The following SEPTIN10 variants were observed in gnomAD, a reference collection of about 807,000 sequenced individuals.
The protein encoded by SEPTIN10 is septin-10.
Under a neutral mutation model 54.8 loss-of-function variants are expected in SEPTIN10, and 66 were observed. That is an observed-to-expected ratio of 1.21 (90% CI 0.99 to 1.48). The LOEUF is 1.48. Among genes scored for constraint, SEPTIN10 ranks in the 40% most tolerant of loss-of-function variants. The pLI, the probability that SEPTIN10 is intolerant of heterozygous loss-of-function variation, is 0.00. For synonymous variants in SEPTIN10, 161 were observed against 181.0 expected (o/e 0.89, Z 0.89); for missense variants, 620 against 545.6 (o/e 1.14, Z -1.36).
chr2:109,571,070 A>T (rs974801016), intron 5 of SEPTIN10, among the ~76,000 whole-genome samples: 2 of 152,004 alleles, frequency 1.3e-5, no homozygotes, highest in African/African-American at 4.8e-5. Context: ...CTGGTTGTTT[A>T]AAAGTGTGTA....
At chr2:109,573,166 C>T (rs1158652437) in intron 5 of SEPTIN10, among the ~76,000 whole-genome samples, 3 of 151,904 alleles carry the variant, frequency 2.0e-5, no homozygotes, top group African/African-American at 7.3e-5. Context: ...AGTTCTTCTC[C>T]CTAGTTTTTA....
chr2:109,610,697 C>T (rs1228082784), intron 1 of SEPTIN10, among the ~76,000 whole-genome samples: 1 of 151,814 alleles, frequency 6.6e-6, no homozygotes, highest in East Asian at 1.9e-4. Context: ...GCCTGGGTGA[C>T]AAAGCGACAT....
intron 4 of SEPTIN10, among the ~76,000 whole-genome samples, chr2:109,578,049 C>CT (rs1420036230): frequency 6.6e-6 from 1 of 151,590 alleles, no homozygotes; most frequent in Non-Finnish European, 1.5e-5. Flanking sequence ...TCATCTTCAA[C>CT]TTTAAGTGAA....
chr2:109,577,522 G>A (rs540360515), intron 4 of SEPTIN10, among the ~76,000 whole-genome samples: 3 of 151,972 alleles, frequency 2.0e-5, no homozygotes, highest in East Asian at 1.9e-4. Flanking sequence ...AGTGCAGGAG[G>A]TGGAGGTTGC....
chr2:109,544,802 C>T, intron 10 of SEPTIN10: 2 of 759,740 alleles, frequency 2.6e-6, no homozygotes. Flanking sequence ...TAATTGCATG[C>T]CTACTATGTA....
chr2:109,597,390 T>A (rs1246914136), intron 1 of SEPTIN10, among the ~76,000 whole-genome samples: 1 of 152,224 alleles, frequency 6.6e-6, no homozygotes, highest in South Asian at 2.1e-4. Context: ...GCCTGCTCTA[T>A]TGTTGACCAC....
chr2:109,604,083 A>C (rs1245383742), intron 1 of SEPTIN10, among the ~76,000 whole-genome samples: 1 of 149,332 alleles, frequency 6.7e-6, no homozygotes, highest in Non-Finnish European at 1.5e-5. Flanking sequence ...AATGGTGTGA[A>C]CCTGGGAGGT....
intron 2 of SEPTIN10, among the ~76,000 whole-genome samples, chr2:109,587,623 A>AATC (rs1025696625): frequency 1.3e-5 from 2 of 152,198 alleles, no homozygotes; most frequent in African/African-American, 4.8e-5. Flanking sequence ...AAGGATAATG[A>AATC]AAACTTTAGG....
intron 1 of SEPTIN10, among the ~76,000 whole-genome samples, chr2:109,607,798 G>C (rs1416953845): frequency 1.3e-5 from 2 of 152,052 alleles, no homozygotes; most frequent in African/African-American, 2.4e-5. Flanking sequence ...TTCACCCCTA[G>C]GGAAACTCTG....
At chr2:109,545,337 A>G in intron 10 of SEPTIN10, 9 of 1,496,084 alleles carry the variant, frequency 6.0e-6, no homozygotes, top group Non-Finnish European at 8.0e-6. Context: ...TCAAAAAGGA[A>G]AAATAAACTT....
chr2:109,579,871 A>G (rs564433032), intron 4 of SEPTIN10, among the ~76,000 whole-genome samples: 7 of 151,942 alleles, frequency 4.6e-5, no homozygotes, highest in Non-Finnish European at 7.4e-5. Flanking sequence ...CTGTAATCCC[A>G]GCACTTTGGG....
chr2:109,607,186 A>C (rs995503647), intron 1 of SEPTIN10, among the ~76,000 whole-genome samples: 117 of 152,316 alleles, frequency 7.7e-4, no homozygotes, highest in African/African-American at 2.8e-3. Flanking sequence ...TCACACAAAT[A>C]ATTTGTATTT....
At chr2:109,556,387 A>G (rs1395953822) in intron 8 of SEPTIN10, among the ~76,000 whole-genome samples, 2 of 152,254 alleles carry the variant, frequency 1.3e-5, no homozygotes, top group African/African-American at 4.8e-5. Context: ...CTTAAATTTT[A>G]TAACTGGAGA....
chr2:109,567,798 T>C lies in SEPTIN10; in HGVS notation c.762+17A>G, dbSNP rs759114425. On this transcript the variant is annotated intron_variant, in intron 6 of 10. Transcript: ENST00000397712. ...TTTCACATGGAAAACAGAATTAACATTCAATCAGGAGCTCACATTCATTGC... is the reference window on the plus strand; with the variant it reads ...TTTCACATGGAAAACAGAATTAACACTCAATCAGGAGCTCACATTCATTGC... 3.1e-5 allele frequency: 48 copies of C among 1,550,962 alleles called. No homozygotes were observed. The highest frequency in any genetic ancestry group is 3.9e-5 in the Non-Finnish European group (45 of 1,147,592).
chr2:109,567,973 T>G lies in SEPTIN10; in HGVS notation c.604A>C (p.Asn202His). 6.3e-7 allele frequency: 1 copy of G among 1,589,276 alleles called. No individual in the cohort carries two copies. The highest frequency in any genetic ancestry group is 8.5e-7 in the Non-Finnish European group (1 of 1,170,326). Residue 202 changes from asparagine to histidine, a missense_variant, in exon 6 of 11, where the codon AAC becomes CAC. Physicochemically the swap from Asn to His is moderately conservative, Grantham distance 68 (BLOSUM62 1). Transcript: ENST00000397712. ...LTMKNLDSKV[N>H]IIPVIAKADT... Reference sequence around the variant, plus strand: ...GCTTTGGCAATCACTGGTATAATGTTTACCTATTAAGAATAAAGAAAAACA... The same window carrying G: ...GCTTTGGCAATCACTGGTATAATGTGTACCTATTAAGAATAAAGAAAAACA...
At chr2:109,571,752 C>A (rs908065449) in intron 5 of SEPTIN10, among the ~76,000 whole-genome samples, 1 of 152,154 alleles carries the variant, frequency 6.6e-6, no homozygotes, top group African/African-American at 2.4e-5. Context: ...GACTAGGAAG[C>A]ATCTAGAACT....
intron 4 of SEPTIN10, among the ~76,000 whole-genome samples, chr2:109,578,624 C>T (rs192808157): frequency 9.9e-5 from 15 of 152,046 alleles, no homozygotes; most frequent in Middle Eastern, 3.4e-3. Flanking sequence ...AAAATTAGCT[C>T]GGAGTGCTGG....
intron 5 of SEPTIN10, among the ~76,000 whole-genome samples, chr2:109,570,510 C>T (rs775391798): frequency 2.7e-5 from 4 of 147,406 alleles, no homozygotes; most frequent in East Asian, 4.0e-4. Flanking sequence ...ATTGACATAG[C>T]ATTTACATTG....
At chr2:109,562,073 G>A (rs1209064731) in intron 8 of SEPTIN10, among the ~76,000 whole-genome samples, 3 of 151,742 alleles carry the variant, frequency 2.0e-5, no homozygotes, top group African/African-American at 7.3e-5. Context: ...ATTAGCTGGG[G>A]GTGGTGGTGC....
Sources: gnomAD v4.1 joint callset for allele counts (sites outside exome capture counted in the v4.1 genomes callset) on GRCh38, gnomAD v4.1.1 for gene constraint, MANE v1.5 for transcripts, NCBI Gene and HGNC (gene_info 2026-07-23, HGNC 2026-07-21) for gene names.